Variants in SPOCK3 observed in about 807,000 individuals in gnomAD.
SPOCK3 encodes SPARC (osteonectin), cwcv and kazal like domains proteoglycan 3, also known as testican-3.
SPOCK3 carries 30 observed loss-of-function variants against 56.6 expected under a neutral mutation model. The observed-to-expected ratio is 0.53, with a 90% CI of 0.40 to 0.72. The LOEUF (loss-of-function observed/expected upper bound fraction) is 0.72. Among genes scored for constraint, SPOCK3 ranks in the 30% least tolerant of loss-of-function variants. SPOCK3 has a pLI of 0.00. For missense variants in SPOCK3, 527 were observed against 530.0 expected, an observed-to-expected ratio of 0.99 and a Z score of 0.06; for synonymous variants, 196 against 183.3, an observed-to-expected ratio of 1.07 and a Z score of -0.56.
chr4:166,850,747 G>A (rs1748604525), intron 6 of SPOCK3, among the ~76,000 whole-genome samples: 1 of 152,234 alleles, frequency 6.6e-6, no homozygotes, highest in South Asian at 2.1e-4. Context: ...CCCGAATACT[G>A]CGCTTTTCCG....
chr4:167,188,769 C>A (rs2110828762), intron 2 of SPOCK3, among the ~76,000 whole-genome samples: 1 of 145,954 alleles, frequency 6.9e-6, no homozygotes, highest in Non-Finnish European at 1.5e-5. Context: ...CCAGAGGGAG[C>A]ATTACTATAG....
intron 6 of SPOCK3, among the ~76,000 whole-genome samples, chr4:166,866,873 G>A (rs764111561): frequency 1.3e-5 from 2 of 151,880 alleles, no homozygotes; most frequent in East Asian, 1.9e-4. Flanking sequence ...TTGCATGTCC[G>A]TGTTATTTCT....
chr4:166,823,857 A>C (rs1745184547), intron 6 of SPOCK3, among the ~76,000 whole-genome samples: 1 of 152,040 alleles, frequency 6.6e-6, no homozygotes, highest in Non-Finnish European at 1.5e-5. Context: ...CAAATTTATA[A>C]ACATCCCATT....
intron 7 of SPOCK3, among the ~76,000 whole-genome samples, chr4:166,778,844 A>T (rs1331650086): frequency 1.3e-5 from 2 of 152,016 alleles, no homozygotes; most frequent in Admixed American, 6.6e-5. Context: ...CTGTTTTTTA[A>T]GTTGGGGGTA....
rs138446759 is a variant in SPOCK3 at position 166,793,771 on chromosome 4, T to G, written c.590-1482A>C. Reference sequence around the variant, plus strand: ...ATGCCTTCCAATATTTAAATAACACTGAAAGGCAGCATAGCAACATAAAAA... The same window carrying G: ...ATGCCTTCCAATATTTAAATAACACGGAAAGGCAGCATAGCAACATAAAAA... On this transcript the variant is annotated intron_variant, in intron 6 of 10. Coordinates refer to ENST00000357545, the MANE Select transcript of SPOCK3 (RefSeq NM_001040159.2). 3.6e-3 allele frequency among the ~76,000 whole-genome samples: 544 copies of G among 152,176 alleles called. 4 individuals carry two copies. The highest frequency in any genetic ancestry group is 0.012 in the African/African-American group (510 of 41,486).
At chr4:167,133,752 A>G (rs1762876808) in intron 2 of SPOCK3, among the ~76,000 whole-genome samples, 1 of 152,290 alleles carries the variant, frequency 6.6e-6, no homozygotes, top group East Asian at 1.9e-4. Flanking sequence ...AGGACATGTA[A>G]TGAATGGACA....
At chr4:167,117,733 T>C (rs942156778) in intron 2 of SPOCK3, among the ~76,000 whole-genome samples, 2 of 152,162 alleles carry the variant, frequency 1.3e-5, no homozygotes, top group Non-Finnish European at 2.9e-5. Flanking sequence ...CCAGTTATCC[T>C]GAGAACTGAT....
chr4:167,206,735 T>C (rs1561324203), intron 2 of SPOCK3, among the ~76,000 whole-genome samples: 1 of 152,110 alleles, frequency 6.6e-6, no homozygotes, highest in Non-Finnish European at 1.5e-5. Flanking sequence ...TCTTTTTTCT[T>C]TTGTTTTGTG....
chr4:167,209,193 G>A (rs1580633504), intron 2 of SPOCK3, among the ~76,000 whole-genome samples: 1 of 151,942 alleles, frequency 6.6e-6, no homozygotes, highest in East Asian at 1.9e-4. Context: ...TTCCTGTATT[G>A]GGTGCCATGA....
At chr4:167,044,317 T>A (rs760237327) in intron 3 of SPOCK3, among the ~76,000 whole-genome samples, 6 of 152,028 alleles carry the variant, frequency 3.9e-5, no homozygotes, top group African/African-American at 1.4e-4. Context: ...TAATAGTAAT[T>A]TGTGACCCTT....
At chr4:166,957,283 C>A (rs527666843) in intron 4 of SPOCK3, among the ~76,000 whole-genome samples, 4 of 152,234 alleles carry the variant, frequency 2.6e-5, no homozygotes, top group South Asian at 4.1e-4. Context: ...AAAAACAAAT[C>A]CCCCACATGA....
At chr4:167,042,829 T>C (rs1753349094) in intron 3 of SPOCK3, among the ~76,000 whole-genome samples, 1 of 152,140 alleles carries the variant, frequency 6.6e-6, no homozygotes. Flanking sequence ...GGCTTTAGGT[T>C]GATACCTAAG....
chr4:166,924,622 C>G (rs140676633), intron 4 of SPOCK3, among the ~76,000 whole-genome samples: 1 of 152,346 alleles, frequency 6.6e-6, no homozygotes, highest in East Asian at 1.9e-4. Flanking sequence ...AACTCCCTCA[C>G]TAACAATGCC....
chr4:166,744,898 T>A (rs966756531), intron 8 of SPOCK3, among the ~76,000 whole-genome samples: 9 of 151,398 alleles, frequency 5.9e-5, no homozygotes, highest in East Asian at 2.0e-4. Context: ...TGATTGAAGA[T>A]CAAATGAATG....
intron 6 of SPOCK3, among the ~76,000 whole-genome samples, chr4:166,846,717 T>C (rs1002635243): frequency 6.6e-6 from 1 of 152,168 alleles, no homozygotes; most frequent in Admixed American, 6.5e-5. Context: ...TTATGTTTTA[T>C]TTATATTTTA....
intron 2 of SPOCK3, among the ~76,000 whole-genome samples, chr4:167,160,574 G>T (rs527647233): frequency 7.2e-4 from 105 of 145,614 alleles, no homozygotes; most frequent in Non-Finnish European, 1.1e-3. Context: ...AAAAGAGCCC[G>T]CATCGCCAAG....
intron 2 of SPOCK3, among the ~76,000 whole-genome samples, chr4:167,209,668 A>G (rs918667676): frequency 6.6e-6 from 1 of 152,166 alleles, no homozygotes; most frequent in Admixed American, 6.5e-5. Context: ...CAGCCATTAC[A>G]TAGAAGATCA....
intron 2 of SPOCK3, among the ~76,000 whole-genome samples, chr4:167,099,411 T>C (rs768674188): frequency 3.9e-5 from 6 of 152,000 alleles, no homozygotes; most frequent in Non-Finnish European, 2.9e-5. Flanking sequence ...CATTTTGATA[T>C]ATCAAAATAA....
intron 7 of SPOCK3, among the ~76,000 whole-genome samples, chr4:166,781,131 C>G (rs867915787): frequency 2.6e-5 from 4 of 152,022 alleles, no homozygotes; most frequent in Admixed American, 2.6e-4. Context: ...CTGTTCTACA[C>G]AATATATCCA....
Sources: allele counts gnomAD v4.1 joint callset (sites outside exome capture counted in the v4.1 genomes callset), GRCh38; gene constraint gnomAD v4.1.1; transcripts MANE v1.5; gene names NCBI Gene and HGNC (gene_info 2026-07-23, HGNC 2026-07-21).